The following PDE4B variants were observed in gnomAD, a reference collection of about 807,000 sequenced individuals.
PDE4B encodes the protein 3',5'-cyclic-AMP phosphodiesterase 4B.
A neutral mutation model predicts 82.2 loss-of-function variants in PDE4B; 20 were observed. The observed-to-expected ratio is 0.24, with a 90% CI of 0.17 to 0.35. The LOEUF is 0.35. PDE4B is among the 10% of genes least tolerant of loss of function. PDE4B has a pLI of 1.00. For synonymous variants in PDE4B, 320 were observed against 318.9 expected, an observed-to-expected ratio of 1.00 and a Z score of -0.04; for missense variants, 655 against 907.2, an observed-to-expected ratio of 0.72 and a Z score of 3.57.
In PDE4B at chr1:66,186,436, T is replaced by A. The variant is rs559589983; in HGVS notation, c.282-61024T>A. On this transcript the variant is annotated intron_variant, in intron 3 of 16. Coordinates refer to ENST00000341517, the MANE Select transcript of PDE4B (RefSeq NM_002600.4). ...TAAATCACCTTGGGCAGTATGGCCA[T>A]TTTCACGATATTGATTCTTCCTACC... Among the ~76,000 whole-genome samples the A allele has an allele frequency of 9.9e-5, 15 of 152,196 alleles. 1 individual carries two copies. In the South Asian group the frequency reaches 1.4e-3, roughly 15 times the overall value.
intron 3 of PDE4B, among the ~76,000 whole-genome samples, chr1:66,184,652 C>T (rs1241037966): frequency 1.3e-5 from 2 of 152,148 alleles, no homozygotes; most frequent in African/African-American, 4.8e-5. Flanking sequence ...TAACACTTCA[C>T]ATGGATACCA....
intron 3 of PDE4B, among the ~76,000 whole-genome samples, chr1:66,040,245 T>G (rs562569156): frequency 6.6e-6 from 1 of 152,200 alleles, no homozygotes; most frequent in African/African-American, 2.4e-5. Flanking sequence ...GTAGAGCACA[T>G]TCAGGATACT....
At chr1:66,168,166 TA>T (rs1646772578) in intron 3 of PDE4B, among the ~76,000 whole-genome samples, 1 of 152,240 alleles carries the variant, frequency 6.6e-6, no homozygotes, top group Admixed American at 6.5e-5. Context: ...ATTTATAAAT[TA>T]ATTCATTTTT....
At chr1:66,078,860 A>C (rs990661895) in intron 3 of PDE4B, among the ~76,000 whole-genome samples, 5 of 152,130 alleles carry the variant, frequency 3.3e-5, no homozygotes, top group Admixed American at 3.3e-4. Context: ...CCTTCATCAA[A>C]GAACACTCCT....
At chr1:65,941,168 A>C (rs1344776201) in intron 3 of PDE4B, among the ~76,000 whole-genome samples, 1 of 152,036 alleles carries the variant, frequency 6.6e-6, no homozygotes, top group African/African-American at 2.4e-5. Context: ...GATAGGAATG[A>C]AGCCTCAGGT....
intron 3 of PDE4B, among the ~76,000 whole-genome samples, chr1:66,212,203 T>C (rs1263659631): frequency 2.6e-5 from 4 of 152,188 alleles, no homozygotes; most frequent in Non-Finnish European, 4.4e-5. Context: ...CTCCCCTATT[T>C]CATGTCACAG....
chr1:66,144,597 C>G (rs1407760509), intron 3 of PDE4B, among the ~76,000 whole-genome samples: 1 of 152,160 alleles, frequency 6.6e-6, no homozygotes, highest in Non-Finnish European at 1.5e-5. Flanking sequence ...GGAATGCTCA[C>G]TGGAGAATTT....
chr1:65,921,037 C>T (rs1382211419), intron 3 of PDE4B, among the ~76,000 whole-genome samples: 5 of 127,822 alleles, frequency 3.9e-5, no homozygotes, highest in East Asian at 2.4e-4. Flanking sequence ...GGCGGGATCT[C>T]GGCTCACTGC....
At chr1:66,212,466 T>C (rs1650130365) in intron 3 of PDE4B, among the ~76,000 whole-genome samples, 1 of 152,166 alleles carries the variant, frequency 6.6e-6, no homozygotes, top group Non-Finnish European at 1.5e-5. Flanking sequence ...TTTGCTTGAA[T>C]CTCACATTCT....
chr1:65,850,559 A>G (rs1646320067), intron 1 of PDE4B, among the ~76,000 whole-genome samples: 1 of 152,116 alleles, frequency 6.6e-6, no homozygotes, highest in Non-Finnish European at 1.5e-5. Flanking sequence ...CCATTTGTGT[A>G]TCTTTTTATG....
intron 1 of PDE4B, among the ~76,000 whole-genome samples, chr1:65,880,344 C>T (rs1458495740): frequency 6.6e-6 from 1 of 152,222 alleles, no homozygotes; most frequent in Non-Finnish European, 1.5e-5. Context: ...CATGCTTATG[C>T]TGGTCATGCT....
chr1:66,316,526 G>T (rs552275150), intron 7 of PDE4B, among the ~76,000 whole-genome samples: 16 of 152,308 alleles, frequency 1.1e-4, no homozygotes, highest in Middle Eastern at 3.4e-3. Flanking sequence ...AATATCAGAA[G>T]TGACATGCAA....
chr1:66,094,572 C>G (rs2101001943), intron 3 of PDE4B: 1 of 152,094 alleles, frequency 6.6e-6, no homozygotes, highest in South Asian at 2.1e-4. Flanking sequence ...AAACTAAAAG[C>G]CACTCTCTTG....
chr1:65,995,061 T>C (rs1287646285), intron 3 of PDE4B, among the ~76,000 whole-genome samples: 29 of 152,260 alleles, frequency 1.9e-4, no homozygotes, highest in Non-Finnish European at 2.9e-5. Context: ...TAAAACAAAA[T>C]GTTACAATTG....
Position 66,159,190 on chromosome 1 carries a change from C to G in PDE4B, c.282-88270C>G, listed in dbSNP as rs373142081. On this transcript the variant is annotated intron_variant, in intron 3 of 16. Coordinates refer to ENST00000341517, the MANE Select transcript of PDE4B (RefSeq NM_002600.4). ...AATGTGTACATGTATTGGAACATCA[C>G]ACTTACCCCATAAATATGCACAGTT... Among the ~76,000 whole-genome samples, 12 of 152,092 alleles carry G rather than the reference C, an allele frequency of 7.9e-5. No individual in the cohort carries two copies. In the East Asian group the frequency reaches 2.3e-3, roughly 29 times the overall value.
chr1:66,106,775 G>A (rs1386754935), intron 3 of PDE4B, among the ~76,000 whole-genome samples: 20 of 145,898 alleles, frequency 1.4e-4, no homozygotes, highest in Non-Finnish European at 2.7e-4. Context: ...CTGTGGGATC[G>A]GTGGTGATAT....
At chr1:65,835,586 T>C (rs1557770861) in intron 1 of PDE4B, among the ~76,000 whole-genome samples, 1 of 152,228 alleles carries the variant, frequency 6.6e-6, no homozygotes, top group Non-Finnish European at 1.5e-5. Context: ...AAAGTTCTCT[T>C]GATTGAAATC....
At chr1:66,032,548 G>A (rs939362942) in intron 3 of PDE4B, among the ~76,000 whole-genome samples, 19 of 152,128 alleles carry the variant, frequency 1.2e-4, no homozygotes, top group African/African-American at 4.6e-4. Context: ...AGTTTCACAA[G>A]TGCAAGATGG....
intron 3 of PDE4B, among the ~76,000 whole-genome samples, chr1:66,126,497 G>C (rs939955519): frequency 2.6e-5 from 4 of 152,074 alleles, no homozygotes; most frequent in Non-Finnish European, 4.4e-5. Context: ...TGAAAGCTTT[G>C]ACCTAAAATA....
Sources: allele counts gnomAD v4.1 joint callset (sites outside exome capture counted in the v4.1 genomes callset), GRCh38; gene constraint gnomAD v4.1.1; transcripts MANE v1.5; gene names NCBI Gene and HGNC (gene_info 2026-07-23, HGNC 2026-07-21).